TASOR: variants seen among roughly 807,000 people sequenced by gnomAD.
TASOR encodes the protein protein TASOR.
Under a neutral mutation model 178.6 loss-of-function variants are expected in TASOR, and 53 were observed. The observed-to-expected ratio is 0.30, with a 90% confidence interval of 0.24 to 0.37. The LOEUF (loss-of-function observed/expected upper bound fraction) is 0.37, where lower values mean the gene tolerates loss of function less well. TASOR is among the 10% of genes least tolerant of loss of function. The pLI, the probability that TASOR is intolerant of heterozygous loss-of-function variation, is 1.00. For missense variants in TASOR, 1,815 were observed against 1,971.4 expected (o/e 0.92, Z 1.50); for synonymous variants, 713 against 696.2 (o/e 1.02, Z -0.38).
chr3:56,661,043 T>C, intron 9 of TASOR, 26 bp from the exon 10 acceptor site: 2 of 1,478,988 alleles, frequency 1.4e-6, no homozygotes, highest in Non-Finnish European at 1.9e-6. Flanking sequence ...AAAAACATGT[T>C]TGCCTTATCT....
chr3:56,662,848 C>G (rs1252057578), intron 8 of TASOR, among the ~76,000 whole-genome samples: 5 of 152,156 alleles, frequency 3.3e-5, no homozygotes, highest in African/African-American at 1.2e-4. Context: ...CCTACAGTGT[C>G]CTGTATCTTC....
At chr3:56,625,690 CTT>C (rs879938687) in intron 21 of TASOR, among the ~76,000 whole-genome samples, 6 of 146,626 alleles carry the variant, frequency 4.1e-5, no homozygotes, top group Admixed American at 6.8e-5. Context: ...TAAGCTATTT[CTT>C]TTTTTTTTTT....
At position 56,663,532 on chromosome 3, in the gene TASOR, ATC is replaced by A. The variant is rs1219965362; in HGVS notation, c.1054+7_1054+8del. 9 of 1,122,056 alleles carry A rather than the reference ATC, an allele frequency of 8.0e-6. No individual in the cohort carries two copies. The highest frequency in any genetic ancestry group is 1.1e-5 in the Non-Finnish European group (9 of 829,004). 69.5% of individuals were successfully genotyped at this position (1,122,056 alleles called of 1,614,324 possible). On this transcript the variant is annotated splice_region_variant and intron_variant, in intron 8 of 23. Transcript: ENST00000683822. ...CATTTATAAAACTAAAGAAACATAA[ATC>A]TCTTACCTATGTTTCTATCTGTATT... is the stretch of plus-strand genomic sequence containing the variant.
At position 56,675,946 on chromosome 3, in the gene TASOR, TACAA is replaced by T. The variant is rs546241293; in HGVS notation, c.332-2225_332-2222del. On this transcript the variant is annotated intron_variant, in intron 1 of 23. Coordinates refer to ENST00000683822, the MANE Select transcript of TASOR (RefSeq NM_001365635.2). ...ACGTAGTTTTCAATGGCACAATGTG[TACAA>T]ACAAATGGTTACCACTATTTTCGAA... Among the ~76,000 whole-genome samples the T allele has an allele frequency of 2.3e-3, 357 of 152,338 alleles. 12 individuals carry two copies. In the South Asian group the frequency reaches 0.057, roughly 24 times the overall value.
chr3:56,628,620 A>C lies in TASOR; in HGVS notation c.3748-6T>G. ...CCTAATTTGATAAGATATTCCTGTTAAAGAAAAACAACTAAATCAATATTA... is the reference window on the plus strand; with the variant it reads ...CCTAATTTGATAAGATATTCCTGTTCAAGAAAAACAACTAAATCAATATTA... On this transcript the variant is annotated splice_polypyrimidine_tract_variant and splice_region_variant and intron_variant, in intron 18 of 23. Transcript: ENST00000683822. The C allele has an allele frequency of 1.3e-6, 2 of 1,517,852 alleles. No individual in the cohort carries two copies. Among genetic ancestry groups the C allele is most frequent in the Non-Finnish European group, 1.8e-6 (2 of 1,115,116 alleles). The allele number at this position is 1,517,852 out of a possible 1,614,324, so 94.0% of individuals were successfully genotyped here.
chr3:56,635,171 C>T (rs1265918409), intron 17 of TASOR, among the ~76,000 whole-genome samples: 2 of 152,198 alleles, frequency 1.3e-5, no homozygotes, highest in African/African-American at 4.8e-5. Flanking sequence ...TTATGACATT[C>T]TCTACCAATC....
chr3:56,664,436 G>T (rs369260330), intron 7 of TASOR: 47 of 152,238 alleles, frequency 3.1e-4, no homozygotes, highest in African/African-American at 1.1e-3. Context: ...CATAAATTTA[G>T]AGCCACAAAA....
At position 56,624,688 on chromosome 3, in the gene TASOR, T is replaced by C. The variant is rs146998440; in HGVS notation, c.4319-45A>G. 8.3e-5 allele frequency: 131 copies of C among 1,577,152 alleles called. No homozygotes were observed. In the Middle Eastern group the frequency reaches 1.1e-3, roughly 13 times the overall value. On this transcript the variant is annotated intron_variant, in intron 22 of 23. Coordinates refer to ENST00000683822, the MANE Select transcript of TASOR (RefSeq NM_001365635.2). Reference sequence around the variant, plus strand: ...TTCATGTATGAAACACTTCAAAATATAGACAGCCCCTAGCCCTCACAAAAT... The same window carrying C: ...TTCATGTATGAAACACTTCAAAATACAGACAGCCCCTAGCCCTCACAAAAT...
At chr3:56,678,240 G>A (rs1474789296) in intron 1 of TASOR, among the ~76,000 whole-genome samples, 1 of 138,088 alleles carries the variant, frequency 7.2e-6, no homozygotes, top group Non-Finnish European at 1.5e-5. Flanking sequence ...GGAGTGCAGT[G>A]GCGCGATCTT....
At chr3:56,637,395 G>C (rs1045602196) in intron 17 of TASOR, among the ~76,000 whole-genome samples, 3 of 152,176 alleles carry the variant, frequency 2.0e-5, no homozygotes, top group Non-Finnish European at 4.4e-5. Flanking sequence ...GGTGGCACAT[G>C]CCTGTAATCC....
chr3:56,665,069 G>A (rs1018007909), intron 7 of TASOR, among the ~76,000 whole-genome samples: 19 of 152,254 alleles, frequency 1.2e-4, no homozygotes, highest in African/African-American at 4.6e-4. Context: ...CTACTTGGGA[G>A]GATCGCTTGC....
In TASOR at chr3:56,623,106, T is replaced by G. The variant is rs1418038413; in HGVS notation, c.4944A>C (p.Arg1648Ser). The G allele has an allele frequency of 6.2e-7, 1 of 1,612,166 alleles. No individual in the cohort carries two copies. Reference sequence around the variant, plus strand: ...AACTTAAGGGAGGTGGAGATTTATCTCTATCCAAGCTTTCAGTATAAGCAG... The same window carrying G: ...AACTTAAGGGAGGTGGAGATTTATCGCTATCCAAGCTTTCAGTATAAGCAG... ...FLSAYTESLD[R>S]DKSPPPLSWG... The change falls in exon 24 of 24, where the codon AGA (arginine) becomes AGC (serine). Residue 1648 changes from arginine (R) to serine (S), a missense_variant. Physicochemically the swap from Arg to Ser is moderately radical, Grantham distance 110. Around this residue, in one of 5 missense-constraint regions of TASOR, gnomAD observed 278 missense variants for 257.1 expected, o/e 1.08. Transcript: ENST00000683822.
intron 18 of TASOR, among the ~76,000 whole-genome samples, chr3:56,631,745 G>A (rs1045923941): frequency 2.0e-5 from 3 of 151,832 alleles, no homozygotes; most frequent in East Asian, 1.9e-4. Flanking sequence ...CCCCATGCCC[G>A]GCTAATTTTT....
At position 56,682,766 on chromosome 3, in the gene TASOR, C is replaced by T; in HGVS notation, c.241G>A (p.Gly81Ser). 6.5e-7 allele frequency: 1 copy of T among 1,541,770 alleles called. No homozygotes were observed. Among genetic ancestry groups the T allele is most frequent in the Non-Finnish European group, 8.8e-7 (1 of 1,141,440 alleles). The change falls in exon 1 of 24, where the codon GGC becomes AGC. Residue 81 changes from glycine to serine, a missense_variant. Gly to Ser is a moderately conservative substitution (Grantham distance 56). Around this residue, in one of 5 missense-constraint regions of TASOR, gnomAD observed 244 missense variants for 202.7 expected, o/e 1.20. Transcript: ENST00000683822. ...HEQPQDSSEA[G>S]AAALPRGPEE... ...GGGCCTCTGGGCAGGGCGGCCGCGC[C>T]CGCCTCAGAGGAGTCCTGAGGCTGC...
chr3:56,640,189 TA>T, intron 15 of TASOR, 59 bp from the exon 16 acceptor site: 1 of 1,496,298 alleles, frequency 6.7e-7, no homozygotes, highest in Non-Finnish European at 9.1e-7. Flanking sequence ...ATGTCAAGAA[TA>T]AACTGTTTTT....
At chr3:56,626,973 G>T in intron 21 of TASOR, 64 bp downstream of exon 21, 1 of 1,008,444 alleles carries the variant, frequency 9.9e-7, no homozygotes, top group Non-Finnish European at 1.5e-6. Flanking sequence ...CATGGGAAGA[G>T]AGAAATATTA....
intron 3 of TASOR, 43 bp downstream of exon 3, chr3:56,671,557 G>A (rs2107631346): frequency 7.3e-7 from 1 of 1,379,296 alleles, no homozygotes; most frequent in African/African-American, 1.4e-5. Flanking sequence ...AACTTACAAT[G>A]GAAACATCCC....
intron 18 of TASOR, among the ~76,000 whole-genome samples, chr3:56,629,794 A>G (rs1024612217): frequency 4.6e-5 from 7 of 152,196 alleles, no homozygotes; most frequent in African/African-American, 1.7e-4. Flanking sequence ...AGCTTACCTG[A>G]CAACCAGTCT....
In TASOR at chr3:56,668,377, C is replaced by T. The variant is rs776171821; in HGVS notation, c.897+20G>A. 4.5e-6 allele frequency: 7 copies of T among 1,548,714 alleles called. 1 individual carries two copies. The highest frequency in any genetic ancestry group is 6.1e-6 in the Non-Finnish European group (7 of 1,145,738). Reference sequence around the variant, plus strand: ...AAACAGGTATGAGATCACAACATTACAACGGATCCTGGAACCTACCTGAGT... The same window carrying T: ...AAACAGGTATGAGATCACAACATTATAACGGATCCTGGAACCTACCTGAGT... On this transcript the variant is annotated intron_variant, in intron 6 of 23. Transcript: ENST00000683822.
Sources: allele counts gnomAD v4.1 joint callset (sites outside exome capture counted in the v4.1 genomes callset), GRCh38; gene constraint gnomAD v4.1.1; regional missense constraint gnomAD v4.1.1; transcripts MANE v1.5; gene names NCBI Gene and HGNC (gene_info 2026-07-23, HGNC 2026-07-21).